The following AP1G1 variants were observed in gnomAD, a reference collection of about 807,000 sequenced individuals.
AP1G1 encodes the protein AP-1 complex subunit gamma-1.
A neutral mutation model predicts 108.3 loss-of-function variants in AP1G1; 7 were observed. The ratio of observed to expected loss-of-function variants is 0.06; its 90% CI spans 0.04 to 0.12. The LOEUF (loss-of-function observed/expected upper bound fraction) is 0.12, where lower values mean the gene tolerates loss of function less well. Among genes scored for constraint, AP1G1 ranks in the 10% least tolerant of loss-of-function variants. AP1G1 has a pLI of 1.00. For synonymous variants in AP1G1, 379 were observed against 353.5 expected, an observed-to-expected ratio of 1.07 and a Z score of -0.81; for missense variants, 756 against 1,010.7, an observed-to-expected ratio of 0.75 and a Z score of 3.42.
chr16:71,800,451 G>C (rs2032752441), intron 1 of AP1G1, among the ~76,000 whole-genome samples: 1 of 151,530 alleles, frequency 6.6e-6, no homozygotes, highest in Admixed American at 6.6e-5. Context: ...GGAGGCCAAG[G>C]TGGGAGGATC....
intron 2 of AP1G1, among the ~76,000 whole-genome samples, chr16:71,787,898 T>C (rs868415418): frequency 9.2e-5 from 14 of 152,242 alleles, no homozygotes; most frequent in African/African-American, 2.7e-4. Context: ...AATGCTATTA[T>C]GACACTAATT....
chr16:71,746,481 G>A (rs1217855227), intron 17 of AP1G1, 107 bp downstream of exon 17: 19 of 640,460 alleles, frequency 3.0e-5, no homozygotes, highest in Admixed American at 2.2e-4. Flanking sequence ...ATAGGGATAC[G>A]AGGAACAATT....
At chr16:71,772,053 T>A (rs2031591580) in intron 4 of AP1G1, among the ~76,000 whole-genome samples, 2 of 152,308 alleles carry the variant, frequency 1.3e-5, no homozygotes, top group Admixed American at 6.5e-5. Context: ...ACCATAAAAG[T>A]TTAGATATAT....
chr16:71,753,871 G>C lies in AP1G1; in HGVS notation c.1246C>G (p.Arg416Gly). ...CGCATAATTGTGTCTATATGCCATC[G>C]TTTGGAAGGTGCATACCTGAAAAAA... ...LAAEKYAPSK[R>G]WHIDTIMRVL... The change falls in exon 13 of 23, where the codon CGA (arginine) becomes GGA (glycine). Residue 416 changes from arginine to glycine, a missense_variant. By Grantham distance (125) the Arg-to-Gly change is moderately radical. Coordinates refer to ENST00000299980, the MANE Select transcript of AP1G1 (RefSeq NM_001128.6). The C allele has an allele frequency of 1.2e-6, 2 of 1,613,972 alleles. No homozygotes were observed. The highest frequency in any genetic ancestry group is 1.7e-6 in the Non-Finnish European group (2 of 1,179,928).
chr16:71,797,017 T>TAC (rs67170824), intron 1 of AP1G1, among the ~76,000 whole-genome samples: 3,591 of 60,630 alleles, frequency 0.059, 65 homozygotes, highest in Non-Finnish European at 0.078. Flanking sequence ...AAAAAAAAAT[T>TAC]ATATATATAT....
chr16:71,772,662 C>A (rs1034322859), intron 4 of AP1G1, among the ~76,000 whole-genome samples: 15 of 152,180 alleles, frequency 9.9e-5, no homozygotes, highest in African/African-American at 3.6e-4. Context: ...CCAAACAGAT[C>A]ACAGTTTATG....
At position 71,732,991 on chromosome 16, in the gene AP1G1, A is replaced by G. The variant is rs2045488919; in HGVS notation, c.*67T>C. ...GTACAGTTGGGGGGGACTTGCCAGCAATCACAACCTCCTTCCCAGAGTTCC... is the reference window on the plus strand; with the variant it reads ...GTACAGTTGGGGGGGACTTGCCAGCGATCACAACCTCCTTCCCAGAGTTCC... On this transcript the variant is annotated 3_prime_UTR_variant, in exon 23 of 23. Transcript: ENST00000299980. 1 of 1,326,686 alleles carries G rather than the reference A, an allele frequency of 7.5e-7. No individual in the cohort carries two copies. Among genetic ancestry groups the G allele is most frequent in the Admixed American group, 1.9e-5 (1 of 53,612 alleles). 82.2% of individuals were successfully genotyped at this position (1,326,686 alleles called of 1,614,324 possible). A position where few individuals can be genotyped will look rare whatever the true frequency, so the allele number is the denominator to read the frequency against.
intron 2 of AP1G1, among the ~76,000 whole-genome samples, chr16:71,788,668 A>T (rs567344196): frequency 9.7e-4 from 145 of 150,168 alleles, no homozygotes; most frequent in African/African-American, 2.8e-3. Context: ...TTTTTTTTTT[A>T]AAAAAAAAAG....
At chr16:71,764,878 T>C (rs12598921) in intron 7 of AP1G1, 152 bp from the exon 8 acceptor site, 17 of 602,554 alleles carry the variant, frequency 2.8e-5, no homozygotes, top group East Asian at 1.4e-4. Context: ...AACAGAAGAA[T>C]TGAAAACATT....
intron 1 of AP1G1, among the ~76,000 whole-genome samples, chr16:71,807,531 A>G (rs1002162229): frequency 3.3e-5 from 5 of 152,230 alleles, no homozygotes; most frequent in Admixed American, 2.0e-4. Context: ...GAGTACTTAG[A>G]GGGTTCATAT....
Position 71,773,293 on chromosome 16 carries a change from T to G in AP1G1, c.396A>C (p.Ser132=). The change falls in exon 4 of 23, where the codon TCA becomes TCC. Residue 132 remains serine, a synonymous_variant. Transcript: ENST00000299980. ...CTCCTGCAAGATCTCTGCACATCTC[T>G]GAGGAGCCCATGCAGCCGAGGGTAC... is the stretch of plus-strand genomic sequence containing the variant. ...ALCTLGCMGS[S]EMCRDLAGEV... The G allele has an allele frequency of 1.2e-6, 2 of 1,603,562 alleles. No homozygotes were observed. Among genetic ancestry groups the G allele is most frequent in the Non-Finnish European group, 8.5e-7 (1 of 1,177,360 alleles).
In AP1G1 at chr16:71,772,788, A is replaced by T. The variant is rs549808481; in HGVS notation, c.468+433T>A. 3.7e-4 allele frequency among the ~76,000 whole-genome samples: 56 copies of T among 152,330 alleles called. 1 individual carries two copies. The highest frequency in any genetic ancestry group is 1.3e-3 in the African/African-American group (55 of 41,588). On this transcript the variant is annotated intron_variant, in intron 4 of 22. Coordinates refer to ENST00000299980, the MANE Select transcript of AP1G1 (RefSeq NM_001128.6). ...TCAACAAATAAAATCAGATAGAAGA[A>T]TAATTCTCTTCTATTACTAATCCAT...
chr16:71,752,283 TTCA>T (rs2030548030), intron 13 of AP1G1, among the ~76,000 whole-genome samples: 1 of 152,206 alleles, frequency 6.6e-6, no homozygotes, highest in South Asian at 2.1e-4. Context: ...ACATGTCCTG[TTCA>T]TCATTATGTT....
intron 1 of AP1G1, among the ~76,000 whole-genome samples, chr16:71,802,598 C>T (rs2032844428): frequency 6.6e-6 from 1 of 151,854 alleles, no homozygotes; most frequent in African/African-American, 2.4e-5. Context: ...GGCATGGTGG[C>T]GGGCGCCTGT....
intron 10 of AP1G1, among the ~76,000 whole-genome samples, chr16:71,760,072 T>C (rs1196645235): frequency 6.6e-6 from 1 of 152,174 alleles, no homozygotes; most frequent in Non-Finnish European, 1.5e-5. Flanking sequence ...TCCCCCACTA[T>C]GTTGCCCAGG....
chr16:71,799,821 C>A (rs2032719540), intron 1 of AP1G1, among the ~76,000 whole-genome samples: 2 of 151,726 alleles, frequency 1.3e-5, no homozygotes, highest in Non-Finnish European at 2.9e-5. Flanking sequence ...ATGGCGTGAA[C>A]CCAGGAAGCA....
intron 7 of AP1G1, 30 bp from the exon 8 acceptor site, chr16:71,764,756 A>G: frequency 7.1e-7 from 1 of 1,400,106 alleles, no homozygotes; most frequent in Non-Finnish European, 1.0e-6. Flanking sequence ...AGGTGTCAAC[A>G]AATTATGTCT....
intron 13 of AP1G1, among the ~76,000 whole-genome samples, chr16:71,752,954 T>C (rs1331998945): frequency 6.6e-6 from 1 of 152,230 alleles, no homozygotes; most frequent in Non-Finnish European, 1.5e-5. Flanking sequence ...CTATCAATTA[T>C]AAATTATTCA....
At chr16:71,785,811 G>T (rs781367686) in intron 2 of AP1G1, among the ~76,000 whole-genome samples, 48 of 152,000 alleles carry the variant, frequency 3.2e-4, no homozygotes, top group Non-Finnish European at 4.6e-4. Context: ...GAACCCAGGA[G>T]GCAGAGTTTG....
Sources: allele counts gnomAD v4.1 joint callset (sites outside exome capture counted in the v4.1 genomes callset), GRCh38; gene constraint gnomAD v4.1.1; transcripts MANE v1.5; gene names NCBI Gene and HGNC (gene_info 2026-07-23, HGNC 2026-07-21).